OPCML: variants seen among roughly 807,000 people sequenced by gnomAD.
OPCML encodes the protein opioid binding protein/cell adhesion molecule like.
A neutral mutation model predicts 37.8 loss-of-function variants in OPCML; 13 were observed. That is an observed-to-expected ratio of 0.34 (90% CI 0.22 to 0.55). The LOEUF is 0.55. Among genes scored for constraint, OPCML ranks in the 20% least tolerant of loss-of-function variants. The pLI, the probability that OPCML is intolerant of heterozygous loss-of-function variation, is 0.91. For missense variants in OPCML, 341 were observed against 435.6 expected, an observed-to-expected ratio of 0.78 and a Z score of 1.93; for synonymous variants, 176 against 168.8, an observed-to-expected ratio of 1.04 and a Z score of -0.33.
intron 2 of OPCML, among the ~76,000 whole-genome samples, chr11:132,905,977 G>A (rs1944227977): frequency 6.6e-6 from 1 of 152,186 alleles, no homozygotes; most frequent in Admixed American, 6.5e-5. Context: ...CAAATGCACA[G>A]ATTTTCTAAA....
At chr11:132,810,043 A>G (rs968844094) in intron 2 of OPCML, among the ~76,000 whole-genome samples, 3 of 151,592 alleles carry the variant, frequency 2.0e-5, no homozygotes, top group Non-Finnish European at 2.9e-5. Context: ...TAGAGACGGG[A>G]TTTCACCATG....
chr11:133,475,131 T>G (rs1168538820), intron 1 of OPCML, among the ~76,000 whole-genome samples: 1 of 152,218 alleles, frequency 6.6e-6, no homozygotes, highest in South Asian at 2.1e-4. Context: ...TAAATAATAG[T>G]ATTCCTACAC....
At chr11:133,502,086 G>A (rs1947927596) in intron 1 of OPCML, among the ~76,000 whole-genome samples, 1 of 151,732 alleles carries the variant, frequency 6.6e-6, no homozygotes, top group African/African-American at 2.4e-5. Flanking sequence ...ATCTCTGACT[G>A]TGGAGGACAA....
chr11:132,600,922 C>A (rs1282471336), intron 3 of OPCML, among the ~76,000 whole-genome samples: 5 of 138,994 alleles, frequency 3.6e-5, no homozygotes, highest in Admixed American at 7.8e-5. Context: ...AACTCCTGGG[C>A]TCAAGTGATC....
At chr11:133,326,940 G>T (rs954545442) in intron 1 of OPCML, among the ~76,000 whole-genome samples, 1 of 148,140 alleles carries the variant, frequency 6.8e-6, no homozygotes, top group African/African-American at 2.5e-5. Context: ...TGTGGGGCGT[G>T]GGTGGGGTGT....
intron 1 of OPCML, among the ~76,000 whole-genome samples, chr11:133,486,864 C>G (rs56012080): frequency 0.015 from 2,239 of 147,174 alleles, 45 homozygotes; most frequent in Non-Finnish European, 0.016. Flanking sequence ...CTCTCTCTCT[C>G]TTTCCCTCTC....
At chr11:133,024,492 AT>A in intron 1 of OPCML, 1 of 985,378 alleles carries the variant, frequency 1.0e-6, no homozygotes, top group Non-Finnish European at 1.2e-6. Flanking sequence ...TTCACGGGTA[AT>A]GAGATGTAGA....
At chr11:132,491,923 AATTTT>A (rs926381826) in intron 4 of OPCML, among the ~76,000 whole-genome samples, 3 of 129,572 alleles carry the variant, frequency 2.3e-5, no homozygotes, top group African/African-American at 9.0e-5. Context: ...GGACATACCT[AATTTT>A]TTTTTTTTTT....
At chr11:132,950,963 C>G (rs1052949222) in intron 1 of OPCML, among the ~76,000 whole-genome samples, 1 of 152,270 alleles carries the variant, frequency 6.6e-6, no homozygotes, top group Admixed American at 6.5e-5. Context: ...GGTTTAAGAC[C>G]TCGGCCTGTT....
intron 4 of OPCML, among the ~76,000 whole-genome samples, chr11:132,447,892 TC>T: frequency 6.6e-6 from 1 of 152,326 alleles, no homozygotes; most frequent in South Asian, 2.1e-4. Context: ...CTCCCAGAGC[TC>T]CAGGCTCATC....
At chr11:132,843,092 CTT>C (rs56036372) in intron 2 of OPCML, among the ~76,000 whole-genome samples, 4 of 123,308 alleles carry the variant, frequency 3.2e-5, no homozygotes, top group Non-Finnish European at 3.3e-5. Flanking sequence ...CTTTTTCTTT[CTT>C]TTTTTTTTTT....
intron 1 of OPCML, among the ~76,000 whole-genome samples, chr11:133,149,262 C>T (rs138045581): frequency 3.2e-4 from 48 of 152,264 alleles, no homozygotes; most frequent in African/African-American, 1.1e-3. Context: ...TGGTAACGGA[C>T]GACATTTGGA....
At chr11:132,630,045 G>A (rs956842904) in intron 3 of OPCML, among the ~76,000 whole-genome samples, 1 of 152,080 alleles carries the variant, frequency 6.6e-6, no homozygotes, top group African/African-American at 2.4e-5. Flanking sequence ...GAAAGTTGTG[G>A]TTAACAAGGG....
At chr11:133,446,613 T>C (rs923096680) in intron 1 of OPCML, among the ~76,000 whole-genome samples, 1 of 152,192 alleles carries the variant, frequency 6.6e-6, no homozygotes, top group South Asian at 2.1e-4. Context: ...AGTAAATTTA[T>C]AGAGTTGTGC....
chr11:133,080,162 C>A (rs926450823), intron 1 of OPCML, among the ~76,000 whole-genome samples: 4 of 152,138 alleles, frequency 2.6e-5, no homozygotes, highest in Admixed American at 6.5e-5. Context: ...AGCAACCCAG[C>A]CAGATGCAGA....
intron 2 of OPCML, among the ~76,000 whole-genome samples, chr11:132,725,315 C>G (rs1478165036): frequency 6.6e-6 from 1 of 152,246 alleles, no homozygotes; most frequent in African/African-American, 2.4e-5. Context: ...ACAGCCCAAA[C>G]TCTACATTGG....
At chr11:133,342,708 A>G (rs539199068) in intron 1 of OPCML, among the ~76,000 whole-genome samples, 1 of 152,196 alleles carries the variant, frequency 6.6e-6, no homozygotes, top group Non-Finnish European at 1.5e-5. Flanking sequence ...AAAACAGAAG[A>G]CTCAGGTGGA....
chr11:133,091,060 G>T (rs1044402715), intron 1 of OPCML, among the ~76,000 whole-genome samples: 6 of 152,170 alleles, frequency 3.9e-5, no homozygotes, highest in Admixed American at 6.5e-5. Context: ...AAGACCCAGG[G>T]ATGACTAACA....
chr11:132,930,393 G>T (rs1403638543), intron 2 of OPCML, among the ~76,000 whole-genome samples: 3 of 151,694 alleles, frequency 2.0e-5, no homozygotes, highest in Non-Finnish European at 4.4e-5. Context: ...AAATAAAGAT[G>T]ATAAAAGCAT....
Sources: gnomAD v4.1 joint callset for allele counts (sites outside exome capture counted in the v4.1 genomes callset) on GRCh38, gnomAD v4.1.1 for gene constraint, MANE v1.5 for transcripts, NCBI Gene and HGNC (gene_info 2026-07-23, HGNC 2026-07-21) for gene names.